Variants in GALNT13 observed in about 807,000 individuals in gnomAD.
GALNT13 encodes polypeptide N-acetylgalactosaminyltransferase 13.
In GALNT13, 28 loss-of-function variants were observed where a neutral mutation model predicts 64.2. That is an observed-to-expected ratio of 0.44 (90% CI 0.32 to 0.60). The LOEUF is 0.60. Among genes scored for constraint, GALNT13 ranks in the 20% least tolerant of loss-of-function variants. The pLI is 0.05. For missense variants in GALNT13, 577 were observed against 669.8 expected (o/e 0.86, Z 1.53); for synonymous variants, 214 against 224.6 (o/e 0.95, Z 0.42).
the GALNT13 span, among the ~76,000 whole-genome samples, chr2:153,852,131 AT>A: frequency 2.0e-5 from 3 of 152,194 alleles, no homozygotes; most frequent in Non-Finnish European, 4.4e-5. Context: ...GTAAAAAAAA[AT>A]AATATATTGG....
chr2:153,287,106 T>A, the GALNT13 span, among the ~76,000 whole-genome samples: 36 of 152,296 alleles, frequency 2.4e-4, no homozygotes, highest in African/African-American at 8.4e-4. Context: ...AATAAAATAT[T>A]TTCAACTTCA....
intron 3 of GALNT13, among the ~76,000 whole-genome samples, chr2:153,994,405 G>T (rs931886368): frequency 6.6e-6 from 1 of 152,170 alleles, no homozygotes; most frequent in African/African-American, 2.4e-5. Flanking sequence ...ATAGCAGCAC[G>T]ATTTATAATC....
chr2:153,886,385 C>T (rs1197321470), intron 1 of GALNT13, among the ~76,000 whole-genome samples: 1 of 151,440 alleles, frequency 6.6e-6, no homozygotes, highest in African/African-American at 2.4e-5. Flanking sequence ...GCAACAGGCC[C>T]CAGTGTGTGA....
intron 8 of GALNT13, among the ~76,000 whole-genome samples, chr2:154,291,847 G>C (rs575772359): frequency 1.3e-5 from 2 of 152,262 alleles, no homozygotes; most frequent in East Asian, 1.9e-4. Context: ...CTGCTAGCAC[G>C]TTGTCACCTC....
intron 3 of GALNT13, among the ~76,000 whole-genome samples, chr2:154,130,556 T>A (rs921177309): frequency 3.9e-5 from 6 of 152,176 alleles, no homozygotes; most frequent in Non-Finnish European, 7.3e-5. Context: ...ATATATATAT[T>A]TTTTACTTCC....
the GALNT13 span, among the ~76,000 whole-genome samples, chr2:153,082,275 T>C: frequency 4.6e-5 from 7 of 152,006 alleles, no homozygotes; most frequent in Non-Finnish European, 8.8e-5. Flanking sequence ...GTGTACACTG[T>C]ACTCAGTGTG....
chr2:153,636,757 T>C, the GALNT13 span, among the ~76,000 whole-genome samples: 1 of 152,128 alleles, frequency 6.6e-6, no homozygotes, highest in East Asian at 1.9e-4. Context: ...TGTTCAAATA[T>C]TTGTTCCTAC....
chr2:154,013,415 G>C (rs1696779394), intron 3 of GALNT13, among the ~76,000 whole-genome samples: 1 of 152,082 alleles, frequency 6.6e-6, no homozygotes, highest in South Asian at 2.1e-4. Flanking sequence ...ACTTTAAGGA[G>C]AATGCTGGCT....
chr2:153,818,707 T>C, the GALNT13 span, among the ~76,000 whole-genome samples: 900 of 152,302 alleles, frequency 5.9e-3, 7 homozygotes, highest in Non-Finnish European at 9.5e-3. Context: ...GTGTGTCACA[T>C]GCCTGGCAGC....
intron 9 of GALNT13, among the ~76,000 whole-genome samples, chr2:154,373,977 A>G (rs1433901431): frequency 6.6e-6 from 1 of 152,310 alleles, no homozygotes. Context: ...AAAATTTGCT[A>G]CAACTCCTCA....
chr2:153,206,150 A>T, the GALNT13 span, among the ~76,000 whole-genome samples: 1 of 152,130 alleles, frequency 6.6e-6, no homozygotes, highest in Non-Finnish European at 1.5e-5. Flanking sequence ...CTGGTACTAT[A>T]ATAAGGAACT....
the GALNT13 span, among the ~76,000 whole-genome samples, chr2:153,100,568 C>A: frequency 2.6e-5 from 4 of 152,200 alleles, no homozygotes; most frequent in South Asian, 8.3e-4. Flanking sequence ...GTAGGATTAT[C>A]AGTCTCATTA....
chr2:154,178,035 A>G (rs1455698198), intron 4 of GALNT13, among the ~76,000 whole-genome samples: 2 of 152,128 alleles, frequency 1.3e-5, no homozygotes, highest in African/African-American at 4.8e-5. Flanking sequence ...ATTGCAAATT[A>G]TTTGCTCTTG....
chr2:153,277,614 T>C, the GALNT13 span, among the ~76,000 whole-genome samples: 1 of 152,192 alleles, frequency 6.6e-6, no homozygotes, highest in Non-Finnish European at 1.5e-5. Flanking sequence ...TTAAGGTCTT[T>C]GAGGAATATC....
chr2:153,316,566 G>A, the GALNT13 span, among the ~76,000 whole-genome samples: 1 of 143,652 alleles, frequency 7.0e-6, no homozygotes, highest in Admixed American at 7.5e-5. Flanking sequence ...GCTTGAACCA[G>A]ACAGTCGGAG....
intron 11 of GALNT13, among the ~76,000 whole-genome samples, chr2:154,421,776 T>C (rs1007084458): frequency 2.6e-5 from 4 of 152,058 alleles, no homozygotes; most frequent in Non-Finnish European, 5.9e-5. Flanking sequence ...TCATATATAA[T>C]TATACATGCA....
chr2:153,926,761 C>T (rs74587036), intron 2 of GALNT13, among the ~76,000 whole-genome samples: 11,936 of 152,056 alleles, frequency 0.078, 785 homozygotes, highest in African/African-American at 0.17. Flanking sequence ...ACGTACACAT[C>T]GGCACAAATA....
At chr2:154,027,266 T>A (rs2105296741) in intron 3 of GALNT13, among the ~76,000 whole-genome samples, 1 of 152,342 alleles carries the variant, frequency 6.6e-6, no homozygotes, top group African/African-American at 2.4e-5. Flanking sequence ...TCTGCCTTGT[T>A]TATCACTGTT....
chr2:154,199,138 A>T (rs1253474865), intron 4 of GALNT13, among the ~76,000 whole-genome samples: 1 of 151,906 alleles, frequency 6.6e-6, no homozygotes, highest in Non-Finnish European at 1.5e-5. Context: ...TTTAAGTAAC[A>T]TGCTTGTATT....
Sources: allele counts gnomAD v4.1 joint callset (sites outside exome capture counted in the v4.1 genomes callset), GRCh38; gene constraint gnomAD v4.1.1; transcripts MANE v1.5; gene names NCBI Gene and HGNC (gene_info 2026-07-23, HGNC 2026-07-21).